ARMH4: variants seen among roughly 807,000 people sequenced by gnomAD.
ARMH4 encodes the protein armadillo like helical domain containing 4, also known as armadillo-like helical domain-containing protein 4.
ARMH4 carries 49 observed loss-of-function variants against 61.9 expected under a neutral mutation model. The observed-to-expected ratio is 0.79, with a 90% CI of 0.63 to 1.00. ARMH4 has a LOEUF of 1.00. Among genes scored for constraint, ARMH4 ranks in the 50% least tolerant of loss-of-function variants. The pLI is 0.00. For synonymous variants in ARMH4, 368 were observed against 341.5 expected, an observed-to-expected ratio of 1.08 and a Z score of -0.85; for missense variants, 934 against 930.0, an observed-to-expected ratio of 1.00 and a Z score of -0.06.
At chr14:58,130,273 C>T (rs1887044364) in intron 4 of ARMH4, among the ~76,000 whole-genome samples, 1 of 152,176 alleles carries the variant, frequency 6.6e-6, no homozygotes, top group African/African-American at 2.4e-5. Flanking sequence ...GTTTCTTAAA[C>T]CAGGCTTCTA....
At chr14:58,065,317 C>A (rs10138473) in intron 5 of ARMH4, among the ~76,000 whole-genome samples, 1 of 151,972 alleles carries the variant, frequency 6.6e-6, no homozygotes, top group African/African-American at 2.4e-5. Flanking sequence ...TTCTTTGGAG[C>A]CTTGAGGCTC....
chr14:58,054,735 T>C (rs1884268035), intron 5 of ARMH4, among the ~76,000 whole-genome samples: 1 of 151,724 alleles, frequency 6.6e-6, no homozygotes. Context: ...CTATCTCTAC[T>C]AAACATACAA....
chr14:58,044,768 A>AG (rs1883869897), intron 5 of ARMH4, among the ~76,000 whole-genome samples: 3 of 152,234 alleles, frequency 2.0e-5, no homozygotes, highest in Non-Finnish European at 4.4e-5. Context: ...CAAATTTACA[A>AG]GAAAAAAACA....
At chr14:58,109,254 A>T (rs1335808794) in intron 4 of ARMH4, among the ~76,000 whole-genome samples, 1 of 152,234 alleles carries the variant, frequency 6.6e-6, no homozygotes, top group East Asian at 1.9e-4. Context: ...CTACAATTTT[A>T]GTCAGTTTAA....
Position 58,002,181 on chromosome 14 carries a change from A to C in ARMH4, c.*2555T>G, listed in dbSNP as rs1300201696. The C allele has an allele frequency of 1.3e-5, 2 of 152,082 alleles. No homozygotes were observed. Among genetic ancestry groups the C allele is most frequent in the Non-Finnish European group, 2.9e-5 (2 of 68,022 alleles). 9.4% of individuals were successfully genotyped at this position (152,082 alleles called of 1,614,324 possible). Reference sequence around the variant, plus strand: ...CATCTCTAATCCCAGGTTTTGTTTAAAATATGACAACCTTTTCTGATCCTC... The same window carrying C: ...CATCTCTAATCCCAGGTTTTGTTTACAATATGACAACCTTTTCTGATCCTC... On this transcript the variant is annotated 3_prime_UTR_variant, in exon 8 of 8. Coordinates refer to ENST00000267485, the MANE Select transcript of ARMH4 (RefSeq NM_001001872.4).
intron 5 of ARMH4, among the ~76,000 whole-genome samples, chr14:58,084,491 C>G (rs1885322910): frequency 6.6e-6 from 1 of 152,194 alleles, no homozygotes; most frequent in Admixed American, 6.5e-5. Flanking sequence ...GTAGTTCACC[C>G]AATGCCTATG....
Position 58,001,854 on chromosome 14 carries a change from A to C in ARMH4, c.*2882T>G, listed in dbSNP as rs1020240805. 1 of 152,116 alleles carries C rather than the reference A, an allele frequency of 6.6e-6. No individual in the cohort carries two copies. Among genetic ancestry groups the C allele is most frequent in the Non-Finnish European group, 1.5e-5 (1 of 68,048 alleles). The allele number at this position is 152,116 out of a possible 1,614,324, so 9.4% of individuals were successfully genotyped here. ...AACACTGCCTCTCCCTCCGAGAAGA[A>C]GACCTAGTTCCTGCCCCTGCGGTGG... On this transcript the variant is annotated 3_prime_UTR_variant, in exon 8 of 8. Transcript: ENST00000267485.
At chr14:58,074,087 CAGAAT>C (rs1175485774) in intron 5 of ARMH4, among the ~76,000 whole-genome samples, 1 of 152,154 alleles carries the variant, frequency 6.6e-6, no homozygotes, top group Non-Finnish European at 1.5e-5. Context: ...CATAAAAATT[CAGAAT>C]TTAAGAATGC....
At chr14:58,110,599 G>A (rs963973714) in intron 4 of ARMH4, among the ~76,000 whole-genome samples, 7 of 152,004 alleles carry the variant, frequency 4.6e-5, no homozygotes, top group African/African-American at 1.7e-4. Flanking sequence ...TTATTTAGAA[G>A]TAGTTTTTTT....
At chr14:58,057,553 G>GGT (rs1247439344) in intron 5 of ARMH4, among the ~76,000 whole-genome samples, 29 of 140,890 alleles carry the variant, frequency 2.1e-4, no homozygotes, top group Admixed American at 4.2e-4. Context: ...TCTTCCAAAG[G>GGT]GTGTGTGTGT....
At position 58,084,340 on chromosome 14, in the gene ARMH4, G is replaced by A. The variant is rs922332658; in HGVS notation, c.2089+12384C>T. The stretch of plus-strand genomic sequence containing the variant: ...GATCCTGAGCTGTTAGGTCTAGTTG[G>A]AAACCACTCTTCACCTTAACTCTGT... On this transcript the variant is annotated intron_variant, in intron 5 of 7. Transcript: ENST00000267485. Among the ~76,000 whole-genome samples, 77 of 152,114 alleles carry A rather than the reference G, an allele frequency of 5.1e-4. 1 individual carries two copies. Among genetic ancestry groups the A allele is most frequent in the Non-Finnish European group, 4.0e-4 (27 of 68,032 alleles).
chr14:58,112,581 T>C (rs190131029), intron 4 of ARMH4, among the ~76,000 whole-genome samples: 15 of 152,324 alleles, frequency 9.8e-5, no homozygotes, highest in South Asian at 8.3e-4. Context: ...GTGCTTATGA[T>C]TTATGTACAT....
At chr14:58,005,758 G>T (rs772865908) in intron 6 of ARMH4, among the ~76,000 whole-genome samples, 1 of 152,188 alleles carries the variant, frequency 6.6e-6, no homozygotes, top group Non-Finnish European at 1.5e-5. Flanking sequence ...GAAAAAAAAG[G>T]CCTGCAAAGG....
At chr14:58,048,992 C>T (rs143634279) in intron 5 of ARMH4, among the ~76,000 whole-genome samples, 2,082 of 152,214 alleles carry the variant, frequency 0.014, 60 homozygotes, top group African/African-American at 0.046. Context: ...AATCCCAGCA[C>T]TTTGGGAGGC....
At chr14:58,081,100 T>TATAAATAA (rs59178433) in intron 5 of ARMH4, among the ~76,000 whole-genome samples, 7,574 of 148,320 alleles carry the variant, frequency 0.051, 219 homozygotes, top group African/African-American at 0.059. Context: ...AGACTCTGTC[T>TATAAATAA]ATAAATAAAT....
rs1882055281 is a variant in ARMH4 at position 58,003,609 on chromosome 14, A to G, written c.*1127T>C. The G allele has an allele frequency of 6.6e-6, 1 of 152,250 alleles. No homozygotes were observed. Among genetic ancestry groups the G allele is most frequent in the African/African-American group, 2.4e-5 (1 of 41,462 alleles). 9.4% of individuals were successfully genotyped at this position (152,250 alleles called of 1,614,324 possible). A position where few individuals can be genotyped will look rare whatever the true frequency, so the allele number is the denominator to read the frequency against. On this transcript the variant is annotated 3_prime_UTR_variant, in exon 8 of 8. Coordinates refer to ENST00000267485, the MANE Select transcript of ARMH4 (RefSeq NM_001001872.4). ...TATCCTATTTTGTATAGGGCAGGGAATTACATTCCAAGGGAGATGAGAAAT... is the reference window on the plus strand; with the variant it reads ...TATCCTATTTTGTATAGGGCAGGGAGTTACATTCCAAGGGAGATGAGAAAT...
chr14:58,131,311 C>A, intron 4 of ARMH4: 1 of 478,086 alleles, frequency 2.1e-6, no homozygotes, highest in Non-Finnish European at 3.7e-6. Flanking sequence ...TTTTTTCAAT[C>A]ATTTCAAAAT....
chr14:58,064,947 G>C (rs1169479813), intron 5 of ARMH4, among the ~76,000 whole-genome samples: 1 of 152,144 alleles, frequency 6.6e-6, no homozygotes, highest in African/African-American at 2.4e-5. Context: ...CGATGCCATT[G>C]ACTTAAGAGA....
intron 4 of ARMH4, among the ~76,000 whole-genome samples, chr14:58,097,976 C>T (rs970470224): frequency 1.3e-5 from 2 of 152,152 alleles, no homozygotes; most frequent in African/African-American, 4.8e-5. Flanking sequence ...TACTTCAAGG[C>T]CCCATCCTCA....
Sources: gnomAD v4.1 joint callset for allele counts (sites outside exome capture counted in the v4.1 genomes callset) on GRCh38, gnomAD v4.1.1 for gene constraint, MANE v1.5 for transcripts, NCBI Gene and HGNC (gene_info 2026-07-23, HGNC 2026-07-21) for gene names.